OSBPL9: variants seen among roughly 807,000 people sequenced by gnomAD.
The protein encoded by OSBPL9 is oxysterol binding protein like 9, also known as oxysterol-binding protein-related protein 9.
Under a neutral mutation model 106.6 loss-of-function variants are expected in OSBPL9, and 40 were observed. The ratio of observed to expected loss-of-function variants is 0.38; its 90% CI spans 0.29 to 0.49. The LOEUF (loss-of-function observed/expected upper bound fraction) is 0.49. OSBPL9 is among the 20% of genes least tolerant of loss of function. The probability of loss-of-function intolerance (pLI) is 0.97; values close to 1 mark genes in which losing one functional copy is unlikely to be tolerated. For missense variants in OSBPL9, 609 were observed against 887.2 expected (o/e 0.69, Z 3.98); for synonymous variants, 269 against 295.4 (o/e 0.91, Z 0.92).
At position 51,669,393 on chromosome 1, in the gene OSBPL9, T is replaced by C. The variant is rs761529715; in HGVS notation, c.163-41T>C. 7.7e-6 allele frequency: 12 copies of C among 1,558,698 alleles called. No individual in the cohort carries two copies. In the South Asian group the frequency reaches 1.2e-4, roughly 16 times the overall value. ...ATAGCAGTAGTGAATATTGCTGATG[T>C]CATTGTTTGCCTTATTGGGATTTTG... On this transcript the variant is annotated intron_variant, in intron 2 of 23. Transcript: ENST00000428468.
At chr1:51,655,238 G>GT (rs1169352196) in intron 2 of OSBPL9, among the ~76,000 whole-genome samples, 1 of 152,146 alleles carries the variant, frequency 6.6e-6, no homozygotes, top group Non-Finnish European at 1.5e-5. Flanking sequence ...CTGAAGAAGA[G>GT]TCCTCTTCCA....
intron 1 of OSBPL9, among the ~76,000 whole-genome samples, chr1:51,587,672 G>C (rs1440500748): frequency 6.6e-6 from 1 of 152,222 alleles, no homozygotes; most frequent in African/African-American, 2.4e-5. Context: ...CAACCCCCTT[G>C]CCTGTTTACC....
chr1:51,575,061 G>T (rs1645175173), upstream of OSBPL9, among the ~76,000 whole-genome samples: 1 of 152,188 alleles, frequency 6.6e-6, no homozygotes, highest in African/African-American at 2.4e-5. Context: ...CATTTCCTGG[G>T]CCCACTATGG....
At chr1:51,642,542 A>G (rs908287961) in intron 1 of OSBPL9, among the ~76,000 whole-genome samples, 2 of 152,172 alleles carry the variant, frequency 1.3e-5, no homozygotes, top group Non-Finnish European at 2.9e-5. Flanking sequence ...GAGTAGCCAG[A>G]CACTCTGTAG....
chr1:51,701,207 T>G (rs1043565157), intron 3 of OSBPL9, among the ~76,000 whole-genome samples: 2 of 152,220 alleles, frequency 1.3e-5, no homozygotes, highest in Admixed American at 6.5e-5. Context: ...CCCAAAGTGA[T>G]GGGATTACAG....
intron 14 of OSBPL9, among the ~76,000 whole-genome samples, chr1:51,774,638 A>G (rs1220085022): frequency 1.3e-5 from 2 of 152,190 alleles, no homozygotes; most frequent in African/African-American, 4.8e-5. Flanking sequence ...AGGGCATGTA[A>G]TTATCTTCCT....
intron 3 of OSBPL9, chr1:51,709,647 G>A (rs1461422098): frequency 2.0e-5 from 3 of 153,012 alleles, no homozygotes; most frequent in Non-Finnish European, 4.4e-5. Context: ...CAGCGTGTAT[G>A]ATACAGCCAA....
chr1:51,518,886 G>C, the OSBPL9 span, among the ~76,000 whole-genome samples: 1 of 151,630 alleles, frequency 6.6e-6, no homozygotes, highest in Non-Finnish European at 1.5e-5. Context: ...CGCGGGAGCC[G>C]GCCCGGCACC....
At chr1:51,768,715 G>C (rs1236948733) in intron 12 of OSBPL9, among the ~76,000 whole-genome samples, 2 of 152,268 alleles carry the variant, frequency 1.3e-5, no homozygotes, top group East Asian at 3.9e-4. Flanking sequence ...CTATGAAATC[G>C]AAACATTTAA....
the OSBPL9 span, among the ~76,000 whole-genome samples, chr1:51,520,079 CAG>C: frequency 2.0e-5 from 3 of 152,228 alleles, no homozygotes; most frequent in African/African-American, 4.8e-5. Context: ...TTCCTTATGT[CAG>C]AGTTACACAC....
intron 2 of OSBPL9, among the ~76,000 whole-genome samples, chr1:51,606,237 T>C (rs1411247976): frequency 6.6e-6 from 1 of 152,176 alleles, no homozygotes; most frequent in Non-Finnish European, 1.5e-5. Flanking sequence ...CGCCCCTCTT[T>C]GCCCAGAGCA....
chr1:51,603,147 C>T (rs1235421314), intron 2 of OSBPL9, among the ~76,000 whole-genome samples: 2 of 151,968 alleles, frequency 1.3e-5, no homozygotes, highest in Non-Finnish European at 1.5e-5. Flanking sequence ...AGAGTGAGAC[C>T]CTGTCTCAAA....
chr1:51,651,781 C>G (rs1403387575), intron 1 of OSBPL9, among the ~76,000 whole-genome samples: 1 of 152,002 alleles, frequency 6.6e-6, no homozygotes, highest in African/African-American at 2.4e-5. Context: ...GTGTAAAGTT[C>G]TATGATTAGG....
intron 4 of OSBPL9, among the ~76,000 whole-genome samples, chr1:51,731,815 T>C (rs1664523608): frequency 6.6e-6 from 1 of 151,406 alleles, no homozygotes; most frequent in South Asian, 2.1e-4. Context: ...AAAAACAGAT[T>C]TGTAGTCTGA....
At chr1:51,674,649 G>A (rs1417816947) in intron 3 of OSBPL9, among the ~76,000 whole-genome samples, 1 of 152,224 alleles carries the variant, frequency 6.6e-6, no homozygotes, top group Non-Finnish European at 1.5e-5. Flanking sequence ...GTCAAGTGCT[G>A]CATAAGGACA....
intron 1 of OSBPL9, among the ~76,000 whole-genome samples, chr1:51,622,704 A>G (rs1644517520): frequency 6.6e-6 from 1 of 152,180 alleles, no homozygotes; most frequent in African/African-American, 2.4e-5. Context: ...CTTAAGTGTC[A>G]TCATGACAGA....
chr1:51,552,448 C>T, the OSBPL9 span, among the ~76,000 whole-genome samples: 2 of 152,202 alleles, frequency 1.3e-5, no homozygotes, highest in Non-Finnish European at 2.9e-5. Flanking sequence ...TAAGTTCATA[C>T]AGCTAATACA....
chr1:51,744,210 G>C (rs1038426887), intron 4 of OSBPL9, among the ~76,000 whole-genome samples: 8 of 152,094 alleles, frequency 5.3e-5, no homozygotes, highest in African/African-American at 1.2e-4. Flanking sequence ...AGTTTGGGAA[G>C]AGCAACAAAA....
At chr1:51,540,462 C>CT in the OSBPL9 span, among the ~76,000 whole-genome samples, 1 of 151,850 alleles carries the variant, frequency 6.6e-6, no homozygotes, top group African/African-American at 2.4e-5. Context: ...CAAGACCATC[C>CT]TGGCCAACAT....
Sources: gnomAD v4.1 joint callset for allele counts (sites outside exome capture counted in the v4.1 genomes callset) on GRCh38, gnomAD v4.1.1 for gene constraint, MANE v1.5 for transcripts, NCBI Gene and HGNC (gene_info 2026-07-23, HGNC 2026-07-21) for gene names.